The following GMDS variants were observed in gnomAD, a reference collection of about 807,000 sequenced individuals.
GMDS encodes GDP-mannose 4,6-dehydratase.
A neutral mutation model predicts 49.9 loss-of-function variants in GMDS; 20 were observed. The observed-to-expected ratio is 0.40, with a 90% confidence interval of 0.28 to 0.58. The LOEUF is 0.58. GMDS is among the 20% of genes least tolerant of loss of function. The pLI is 0.42. For missense variants in GMDS, 362 were observed against 481.4 expected, an observed-to-expected ratio of 0.75 and a Z score of 2.32; for synonymous variants, 177 against 178.6, an observed-to-expected ratio of 0.99 and a Z score of 0.07.
At chr6:1,693,025 T>C (rs1474252270) in intron 9 of GMDS, among the ~76,000 whole-genome samples, 4 of 152,250 alleles carry the variant, frequency 2.6e-5, no homozygotes, top group Admixed American at 2.6e-4. Flanking sequence ...GGGACCCAGT[T>C]ATGTTACTTG....
chr6:2,192,036 GAGA>G (rs1454517341), intron 1 of GMDS, among the ~76,000 whole-genome samples: 5 of 152,198 alleles, frequency 3.3e-5, no homozygotes, highest in Admixed American at 3.3e-4. Context: ...AGGGGATGGG[GAGA>G]AGATGAGATG....
intron 1 of GMDS, among the ~76,000 whole-genome samples, chr6:2,223,572 C>A (rs1359922442): frequency 6.6e-6 from 1 of 152,096 alleles, no homozygotes; most frequent in Non-Finnish European, 1.5e-5. Context: ...AGAGATGACA[C>A]CGCTACCAAA....
intron 4 of GMDS, among the ~76,000 whole-genome samples, chr6:2,100,073 G>A (rs531999399): frequency 6.7e-6 from 1 of 150,098 alleles, no homozygotes; most frequent in Non-Finnish European, 1.5e-5. Flanking sequence ...GAGGCCCAGA[G>A]AGACTATGTG....
chr6:2,109,308 T>G (rs1002396250), intron 4 of GMDS, among the ~76,000 whole-genome samples: 43 of 152,038 alleles, frequency 2.8e-4, no homozygotes, highest in African/African-American at 9.4e-4. Context: ...CCAGGAGAGA[T>G]ATTATTGGAG....
chr6:1,736,229 T>C (rs1561767854), intron 8 of GMDS, among the ~76,000 whole-genome samples: 1 of 152,194 alleles, frequency 6.6e-6, no homozygotes, highest in Non-Finnish European at 1.5e-5. Flanking sequence ...CATCACCTTA[T>C]GTTGTAGTAT....
chr6:1,689,575 T>C (rs1157628933), intron 9 of GMDS, among the ~76,000 whole-genome samples: 1 of 152,236 alleles, frequency 6.6e-6, no homozygotes, highest in Non-Finnish European at 1.5e-5. Context: ...AATATGTTCC[T>C]GGCAACCCTA....
At chr6:1,823,622 A>G (rs915417801) in intron 7 of GMDS, among the ~76,000 whole-genome samples, 3 of 152,032 alleles carry the variant, frequency 2.0e-5, no homozygotes, top group Non-Finnish European at 4.4e-5. Context: ...GCATTTCCTA[A>G]GGTTGTGACC....
intron 1 of GMDS, among the ~76,000 whole-genome samples, chr6:2,188,536 C>A (rs939794305): frequency 6.6e-6 from 1 of 152,190 alleles, no homozygotes; most frequent in Non-Finnish European, 1.5e-5. Context: ...AATTCGTACT[C>A]TTTGCAGCAA....
intron 1 of GMDS, among the ~76,000 whole-genome samples, chr6:2,239,100 G>C (rs887201960): frequency 6.6e-6 from 1 of 152,124 alleles, no homozygotes; most frequent in African/African-American, 2.4e-5. Context: ...AGGCCAAGGT[G>C]GGCGGATGAC....
chr6:1,744,829 C>T (rs1767416981), intron 7 of GMDS, among the ~76,000 whole-genome samples: 1 of 152,246 alleles, frequency 6.6e-6, no homozygotes, highest in Non-Finnish European at 1.5e-5. Flanking sequence ...GGACCAGGGT[C>T]CCAAGTCTAG....
chr6:2,165,093 T>C (rs1023372326), intron 1 of GMDS, among the ~76,000 whole-genome samples: 5 of 152,164 alleles, frequency 3.3e-5, no homozygotes, highest in Admixed American at 6.5e-5. Flanking sequence ...TTTAGTCTTA[T>C]CAGATTAGAG....
At chr6:2,091,658 C>T (rs748446026) in intron 4 of GMDS, among the ~76,000 whole-genome samples, 2 of 152,144 alleles carry the variant, frequency 1.3e-5, no homozygotes, top group African/African-American at 2.4e-5. Flanking sequence ...CAACAGCTCA[C>T]GCCTATAAGG....
chr6:1,729,778 G>A (rs1269440967), intron 8 of GMDS, among the ~76,000 whole-genome samples: 1 of 152,212 alleles, frequency 6.6e-6, no homozygotes, highest in Non-Finnish European at 1.5e-5. Flanking sequence ...CAGGGATCCT[G>A]TATAATTCAA....
intron 1 of GMDS, among the ~76,000 whole-genome samples, chr6:2,216,399 A>C (rs1283201503): frequency 6.6e-6 from 1 of 152,262 alleles, no homozygotes; most frequent in Non-Finnish European, 1.5e-5. Flanking sequence ...GGCTTAAGTT[A>C]GTATGAAACA....
At chr6:1,872,522 A>C (rs1393077872) in intron 7 of GMDS, among the ~76,000 whole-genome samples, 1 of 152,246 alleles carries the variant, frequency 6.6e-6, no homozygotes, top group African/African-American at 2.4e-5. Context: ...CCTATGGATA[A>C]AATAGCCCAC....
In GMDS at chr6:1,652,378, A is replaced by AT. The variant is rs1445999021; in HGVS notation, c.988-27839_988-27838insA. Reference sequence around the variant, plus strand: ...CAAGAGTGAAACTCCGCTAAAAAAAAAAATATATATATATTATATATATAT... The same window carrying AT: ...CAAGAGTGAAACTCCGCTAAAAAAAATAAATATATATATATTATATATATAT... On this transcript the variant is annotated intron_variant, in intron 9 of 10. Coordinates refer to ENST00000380815, the MANE Select transcript of GMDS (RefSeq NM_001500.4). Among the ~76,000 whole-genome samples the AT allele has an allele frequency of 1.7e-3, 15 of 8,734 alleles. 1 individual carries two copies. Among genetic ancestry groups the AT allele is most frequent in the African/African-American group, 2.9e-3 (12 of 4,144 alleles). The allele number at this position is 8,734 out of a possible 152,430, so 5.7% of individuals were successfully genotyped here.
intron 9 of GMDS, among the ~76,000 whole-genome samples, chr6:1,703,163 A>G (rs894059697): frequency 6.6e-6 from 1 of 152,212 alleles, no homozygotes; most frequent in Admixed American, 6.5e-5. Flanking sequence ...GAGTTCCTGC[A>G]TGCTGGCTAC....
At chr6:1,789,586 A>G (rs969749039) in intron 7 of GMDS, among the ~76,000 whole-genome samples, 1 of 141,646 alleles carries the variant, frequency 7.1e-6, no homozygotes, top group Non-Finnish European at 1.5e-5. Flanking sequence ...CCCAGGCTGG[A>G]GCACAGTGGT....
intron 1 of GMDS, among the ~76,000 whole-genome samples, chr6:2,243,261 G>A (rs1781699876): frequency 6.6e-6 from 1 of 152,202 alleles, no homozygotes; most frequent in Non-Finnish European, 1.5e-5. Flanking sequence ...ACAGGCTGCA[G>A]GACAAACTAG....
Sources: gnomAD v4.1 joint callset for allele counts (sites outside exome capture counted in the v4.1 genomes callset) on GRCh38, gnomAD v4.1.1 for gene constraint, MANE v1.5 for transcripts, NCBI Gene and HGNC (gene_info 2026-07-23, HGNC 2026-07-21) for gene names.